The following VAT1L variants were observed in gnomAD, a reference collection of about 807,000 sequenced individuals.
The protein encoded by VAT1L is putative NADPH-dependent quinone oxidoreductase VAT1L.
A neutral mutation model predicts 44.1 loss-of-function variants in VAT1L; 34 were observed. The ratio of observed to expected loss-of-function variants is 0.77; its 90% CI spans 0.59 to 1.03. VAT1L has a LOEUF of 1.03. Ranked by LOEUF, VAT1L falls within the 50% of genes least tolerant of loss-of-function variation. The pLI is 0.00. For synonymous variants in VAT1L, 253 were observed against 202.2 expected (o/e 1.25, Z -2.13); for missense variants, 615 against 538.8 (o/e 1.14, Z -1.40).
chr16:77,922,810 C>T (rs569236645), intron 7 of VAT1L, among the ~76,000 whole-genome samples: 3 of 152,312 alleles, frequency 2.0e-5, no homozygotes, highest in African/African-American at 7.2e-5. Context: ...AGGATTTAAA[C>T]CTAAGTTTGC....
chr16:77,833,523 C>T (rs552462475), intron 3 of VAT1L, among the ~76,000 whole-genome samples: 91 of 152,180 alleles, frequency 6.0e-4, no homozygotes, highest in African/African-American at 2.0e-3. Flanking sequence ...GAGGCCGAGG[C>T]GGGCAGATCA....
intron 1 of VAT1L, among the ~76,000 whole-genome samples, chr16:77,798,757 A>C (rs933561484): frequency 6.6e-6 from 1 of 152,324 alleles, no homozygotes. Flanking sequence ...CAAGAAGATC[A>C]AGAGGAATTC....
intron 3 of VAT1L, among the ~76,000 whole-genome samples, chr16:77,828,001 T>C (rs1468110034): frequency 2.0e-5 from 3 of 152,202 alleles, no homozygotes; most frequent in African/African-American, 7.2e-5. Context: ...AAAAGTGCAG[T>C]TGGACCCATC....
At chr16:77,872,157 T>G (rs2017039817) in intron 4 of VAT1L, among the ~76,000 whole-genome samples, 1 of 152,108 alleles carries the variant, frequency 6.6e-6, no homozygotes, top group Non-Finnish European at 1.5e-5. Flanking sequence ...AGCATGTAAG[T>G]AGCAGAAATG....
At chr16:77,836,322 G>T (rs967103434) in intron 3 of VAT1L, among the ~76,000 whole-genome samples, 5 of 152,082 alleles carry the variant, frequency 3.3e-5, no homozygotes, top group African/African-American at 1.2e-4. Flanking sequence ...GGATAAGGGA[G>T]ATTTCACTAT....
chr16:77,829,507 T>C (rs868345514), intron 3 of VAT1L, among the ~76,000 whole-genome samples: 2 of 152,212 alleles, frequency 1.3e-5, no homozygotes, highest in Admixed American at 1.3e-4. Flanking sequence ...TACACTCTCA[T>C]TGGAATTGCC....
At chr16:77,874,875 T>C in intron 4 of VAT1L, among the ~76,000 whole-genome samples, 1 of 141,924 alleles carries the variant, frequency 7.0e-6, no homozygotes, top group East Asian at 2.2e-4. Context: ...CCAGTCTGGC[T>C]CCTAAGTAAC....
chr16:77,869,633 C>G (rs2142448190), intron 4 of VAT1L, among the ~76,000 whole-genome samples: 1 of 152,230 alleles, frequency 6.6e-6, no homozygotes, highest in East Asian at 1.9e-4. Context: ...CATGTCACTG[C>G]ACTGCAGCCT....
chr16:77,942,201 G>A (rs1414628784), intron 7 of VAT1L, among the ~76,000 whole-genome samples: 3 of 152,300 alleles, frequency 2.0e-5, no homozygotes, highest in Non-Finnish European at 2.9e-5. Context: ...GAAGATGAAA[G>A]GCATGTCTTA....
intron 7 of VAT1L, among the ~76,000 whole-genome samples, chr16:77,911,000 G>A (rs2142485261): frequency 6.6e-6 from 1 of 152,290 alleles, no homozygotes; most frequent in South Asian, 2.1e-4. Context: ...AAGTGGCACA[G>A]CAGGGATCTG....
intron 7 of VAT1L, among the ~76,000 whole-genome samples, chr16:77,966,387 G>C (rs907418268): frequency 1.3e-5 from 2 of 152,148 alleles, no homozygotes; most frequent in Non-Finnish European, 2.9e-5. Context: ...TCACATCCAA[G>C]TCAACAACAG....
At chr16:77,877,429 C>T (rs2017099265) in intron 5 of VAT1L, among the ~76,000 whole-genome samples, 2 of 144,420 alleles carry the variant, frequency 1.4e-5, no homozygotes, top group African/African-American at 2.6e-5. Flanking sequence ...AGGAGAATGG[C>T]ATGAACCCGG....
chr16:77,926,802 T>A (rs2017674412), intron 7 of VAT1L, among the ~76,000 whole-genome samples: 1 of 152,126 alleles, frequency 6.6e-6, no homozygotes, highest in African/African-American at 2.4e-5. Flanking sequence ...GACACAGACA[T>A]GTCCCATTCC....
intron 7 of VAT1L, among the ~76,000 whole-genome samples, chr16:77,951,105 G>A (rs2142523678): frequency 6.6e-6 from 1 of 152,306 alleles, no homozygotes; most frequent in South Asian, 2.1e-4. Context: ...AGGAAATACA[G>A]AGAATGGAAA....
intron 7 of VAT1L, among the ~76,000 whole-genome samples, chr16:77,915,737 G>T (rs915293315): frequency 6.6e-6 from 1 of 152,196 alleles, no homozygotes; most frequent in African/African-American, 2.4e-5. Flanking sequence ...GGCAAGTGAG[G>T]TTGGCTAGAA....
At chr16:77,847,220 G>GAA (rs112407377) in intron 3 of VAT1L, among the ~76,000 whole-genome samples, 5 of 139,004 alleles carry the variant, frequency 3.6e-5, no homozygotes, top group East Asian at 2.1e-4. Flanking sequence ...GAGAAAGCAG[G>GAA]AAAAAAAAAA....
intron 7 of VAT1L, among the ~76,000 whole-genome samples, chr16:77,923,158 G>A (rs1325506281): frequency 6.6e-6 from 1 of 152,112 alleles, no homozygotes; most frequent in Non-Finnish European, 1.5e-5. Context: ...TCCGTTAAAA[G>A]GAATAACTTT....
chr16:77,891,170 C>T (rs900411545), intron 7 of VAT1L, among the ~76,000 whole-genome samples: 3 of 151,852 alleles, frequency 2.0e-5, no homozygotes, highest in Non-Finnish European at 2.9e-5. Flanking sequence ...CTGGCTAACA[C>T]GGTGAAACCC....
At chr16:77,853,807 C>A (rs1479866820) in intron 3 of VAT1L, among the ~76,000 whole-genome samples, 1 of 152,042 alleles carries the variant, frequency 6.6e-6, no homozygotes. Flanking sequence ...CACTGTCCAC[C>A]AAGTCTTCTC....
Sources: gnomAD v4.1 joint callset for allele counts (sites outside exome capture counted in the v4.1 genomes callset) on GRCh38, gnomAD v4.1.1 for gene constraint, MANE v1.5 for transcripts, NCBI Gene and HGNC (gene_info 2026-07-23, HGNC 2026-07-21) for gene names.